KCNQ3: variants seen among roughly 807,000 people sequenced by gnomAD.
KCNQ3 encodes potassium voltage-gated channel subfamily KQT member 3.
Under a neutral mutation model 92.5 loss-of-function variants are expected in KCNQ3, and 30 were observed. The observed-to-expected ratio is 0.32, with a 90% CI of 0.24 to 0.44. The LOEUF (loss-of-function observed/expected upper bound fraction) is 0.44, where lower values mean the gene tolerates loss of function less well. Ranked by LOEUF, KCNQ3 falls within the 20% of genes least tolerant of loss-of-function variation. The probability of loss-of-function intolerance (pLI) is 1.00; values close to 1 mark genes in which losing one functional copy is unlikely to be tolerated. For missense variants in KCNQ3, 913 were observed against 1,140.3 expected, an observed-to-expected ratio of 0.80 and a Z score of 2.87; for synonymous variants, 450 against 468.8, an observed-to-expected ratio of 0.96 and a Z score of 0.52.
intron 1 of KCNQ3, among the ~76,000 whole-genome samples, chr8:132,267,682 A>G (rs928165827): frequency 2.0e-5 from 3 of 152,220 alleles, no homozygotes; most frequent in Non-Finnish European, 4.4e-5. Context: ...ACTCCCTAGA[A>G]GGCTGCTGAA....
intron 1 of KCNQ3, among the ~76,000 whole-genome samples, chr8:132,468,721 T>G (rs1465551640): frequency 6.6e-6 from 1 of 152,184 alleles, no homozygotes; most frequent in East Asian, 1.9e-4. Context: ...GCAGATAATT[T>G]TACATGACTC....
intron 1 of KCNQ3, among the ~76,000 whole-genome samples, chr8:132,337,680 C>T (rs1017621408): frequency 2.0e-5 from 3 of 152,052 alleles, no homozygotes; most frequent in African/African-American, 2.4e-5. Flanking sequence ...CCAGACCTGC[C>T]GACCTTGCAG....
chr8:132,350,408 A>G (rs1484768003), intron 1 of KCNQ3, among the ~76,000 whole-genome samples: 2 of 152,034 alleles, frequency 1.3e-5, no homozygotes, highest in Non-Finnish European at 2.9e-5. Context: ...CATCCCAGGG[A>G]CAGAAGGGTT....
At chr8:132,322,159 C>G (rs1462098284) in intron 1 of KCNQ3, among the ~76,000 whole-genome samples, 2 of 152,166 alleles carry the variant, frequency 1.3e-5, no homozygotes, top group Non-Finnish European at 2.9e-5. Flanking sequence ...GCTTGCAATT[C>G]TTCGGTGGCA....
chr8:132,193,841 T>C lies in KCNQ3; in HGVS notation c.387-7660A>G, dbSNP rs546692202. ...AAGTCAGACACTGTGCTGAGAGCAC[T>C]GGAGCCTTGGAAGAGAATCTGCAGA... On this transcript the variant is annotated intron_variant, in intron 1 of 14. Coordinates refer to ENST00000388996, the MANE Select transcript of KCNQ3 (RefSeq NM_004519.4). 2.6e-3 allele frequency among the ~76,000 whole-genome samples: 396 copies of C among 152,322 alleles called. 2 individuals are homozygous for C. The highest frequency in any genetic ancestry group is 5.4e-3 in the Admixed American group (83 of 15,306).
chr8:132,331,957 C>T (rs1818244391), intron 1 of KCNQ3, among the ~76,000 whole-genome samples: 1 of 152,198 alleles, frequency 6.6e-6, no homozygotes, highest in African/African-American at 2.4e-5. Flanking sequence ...CTCTAAGATG[C>T]TCTGATCATG....
intron 1 of KCNQ3, among the ~76,000 whole-genome samples, chr8:132,213,966 A>G (rs1466922582): frequency 1.3e-5 from 2 of 152,146 alleles, no homozygotes; most frequent in African/African-American, 4.8e-5. Context: ...GACAAGAAAA[A>G]ACCACGGAAA....
chr8:132,159,609 T>C lies in KCNQ3; in HGVS notation c.1262+3859A>G, dbSNP rs150438448. Among the ~76,000 whole-genome samples the C allele has an allele frequency of 1.8e-4, 27 of 152,342 alleles. No homozygotes were observed. In the East Asian group the frequency reaches 4.4e-3, roughly 25 times the overall value. ...ATATATGTGATTTTGGAGCTGTTAGTATCTACTGCTTCACTGATATGGAGA... is the reference window on the plus strand; with the variant it reads ...ATATATGTGATTTTGGAGCTGTTAGCATCTACTGCTTCACTGATATGGAGA... On this transcript the variant is annotated intron_variant, in intron 9 of 14. Coordinates refer to ENST00000388996, the MANE Select transcript of KCNQ3 (RefSeq NM_004519.4).
chr8:132,305,866 TGGGGG>T (rs1554643071), intron 1 of KCNQ3, among the ~76,000 whole-genome samples: 1 of 145,834 alleles, frequency 6.9e-6, no homozygotes, highest in African/African-American at 2.6e-5. Context: ...AAGAGTTTTT[TGGGGG>T]GTTTTTTGTT....
rs193200211 is a variant in KCNQ3, at chr8:132,476,575, A to G, written c.386+3572T>C. On this transcript the variant is annotated intron_variant, in intron 1 of 14. Coordinates refer to ENST00000388996, the MANE Select transcript of KCNQ3 (RefSeq NM_004519.4). ...ATGCCCTGCTGGGTTACAGACTTGC[A>G]TGGGGCCTGTGGCCCATTTGTTTTG... Among the ~76,000 whole-genome samples, 165 of 152,334 alleles carry G rather than the reference A, an allele frequency of 1.1e-3. 2 individuals carry two copies. The highest frequency in any genetic ancestry group is 6.8e-3 in the Middle Eastern group (2 of 294).
intron 1 of KCNQ3, among the ~76,000 whole-genome samples, chr8:132,436,486 A>T (rs566321985): frequency 6.6e-6 from 1 of 152,350 alleles, no homozygotes; most frequent in East Asian, 1.9e-4. Flanking sequence ...ACTTTGTTTA[A>T]ATCTCTCTTC....
chr8:132,206,695 T>C (rs1813668736), intron 1 of KCNQ3, among the ~76,000 whole-genome samples: 2 of 152,204 alleles, frequency 1.3e-5, no homozygotes, highest in Admixed American at 6.5e-5. Flanking sequence ...TTGTTATGTC[T>C]CTTTTTCATT....
At chr8:132,280,812 C>T (rs1340251536) in intron 1 of KCNQ3, among the ~76,000 whole-genome samples, 4 of 152,112 alleles carry the variant, frequency 2.6e-5, no homozygotes, top group Non-Finnish European at 2.9e-5. Flanking sequence ...TTTCATTCCT[C>T]TTTTTGTTTG....
At chr8:132,214,850 C>T (rs1052537038) in intron 1 of KCNQ3, among the ~76,000 whole-genome samples, 21 of 152,322 alleles carry the variant, frequency 1.4e-4, no homozygotes, top group African/African-American at 5.1e-4. Flanking sequence ...GGGGCATTGC[C>T]TGGGATTCAG....
chr8:132,231,467 G>A (rs1436399145), intron 1 of KCNQ3, among the ~76,000 whole-genome samples: 8 of 152,152 alleles, frequency 5.3e-5, no homozygotes, highest in Non-Finnish European at 1.2e-4. Flanking sequence ...GGGATTTGGG[G>A]GGCAGTTATT....
chr8:132,458,782 C>T (rs191772820), intron 1 of KCNQ3, among the ~76,000 whole-genome samples: 1 of 152,222 alleles, frequency 6.6e-6, no homozygotes, highest in Non-Finnish European at 1.5e-5. Context: ...TAGAGAAATA[C>T]TGATACTGTA....
rs183399584 is a variant in KCNQ3 at position 132,168,160 on chromosome 8, T to C, written c.1235+2174A>G. ...TTGCCTGTTCTCTTTCAGGTCCTCCTTCTACTCCCCCTTCGAACTGCTTTT... is the reference window on the plus strand; with the variant it reads ...TTGCCTGTTCTCTTTCAGGTCCTCCCTCTACTCCCCCTTCGAACTGCTTTT... On this transcript the variant is annotated intron_variant, in intron 8 of 14. Transcript: ENST00000388996. Among the ~76,000 whole-genome samples, 132 of 152,336 alleles carry C rather than the reference T, an allele frequency of 8.7e-4. 1 individual carries two copies. Among genetic ancestry groups the C allele is most frequent in the African/African-American group, 3.1e-3 (131 of 41,596 alleles).
chr8:132,286,499 T>A (rs984743114), intron 1 of KCNQ3, among the ~76,000 whole-genome samples: 1 of 152,242 alleles, frequency 6.6e-6, no homozygotes, highest in Admixed American at 6.5e-5. Context: ...GCCATTGTAT[T>A]TTAGAAGTAG....
At chr8:132,381,242 C>G (rs969754480) in intron 1 of KCNQ3, among the ~76,000 whole-genome samples, 16 of 152,212 alleles carry the variant, frequency 1.1e-4, no homozygotes, top group Non-Finnish European at 8.8e-5. Flanking sequence ...CATTCAAGCC[C>G]AGATCGGTCT....
Sources: allele counts gnomAD v4.1 joint callset (sites outside exome capture counted in the v4.1 genomes callset), GRCh38; gene constraint gnomAD v4.1.1; transcripts MANE v1.5; gene names NCBI Gene and HGNC (gene_info 2026-07-23, HGNC 2026-07-21).